Variants in FGF14 observed in about 807,000 individuals in gnomAD.
The protein encoded by FGF14 is fibroblast growth factor 14.
Under a neutral mutation model 25.5 loss-of-function variants are expected in FGF14, and 5 were observed. The ratio of observed to expected loss-of-function variants is 0.20; its 90% CI spans 0.10 to 0.41. The LOEUF (loss-of-function observed/expected upper bound fraction) is 0.41, where lower values mean the gene tolerates loss of function less well. FGF14 is among the 10% of genes least tolerant of loss of function. The pLI is 1.00. For missense variants in FGF14, 222 were observed against 320.1 expected (o/e 0.69, Z 2.34); for synonymous variants, 138 against 118.3 (o/e 1.17, Z -1.08).
Position 101,850,540 on chromosome 13 carries a change from T to TG in FGF14, c.408+18184_408+18185insC, listed in dbSNP as rs1566312036. ...GAATTATATATTCTATATATATATA[T>TG]ATATATATATAGAATTATATATTCT... On this transcript the variant is annotated intron_variant, in intron 3 of 4. Coordinates refer to ENST00000376143, the MANE Select transcript of FGF14 (RefSeq NM_004115.4). Among the ~76,000 whole-genome samples the TG allele has an allele frequency of 2.7e-4, 3 of 11,172 alleles. 1 individual carries two copies. Among genetic ancestry groups the TG allele is most frequent in the African/African-American group, 1.3e-3 (2 of 1,508 alleles). The allele number at this position is 11,172 out of a possible 152,430, so 7.3% of individuals were successfully genotyped here.
At chr13:101,821,239 C>T (rs890793898) in intron 3 of FGF14, among the ~76,000 whole-genome samples, 2 of 152,172 alleles carry the variant, frequency 1.3e-5, no homozygotes, top group African/African-American at 2.4e-5. Context: ...TGAGCCACTG[C>T]GCCCGGCCCA....
At chr13:102,207,587 C>T (rs1479179779) in intron 1 of FGF14, among the ~76,000 whole-genome samples, 1 of 112,598 alleles carries the variant, frequency 8.9e-6, no homozygotes, top group African/African-American at 3.6e-5. Context: ...ACACGTTTTG[C>T]AACATCTGTC....
chr13:101,800,834 A>T (rs1393355561), intron 3 of FGF14, among the ~76,000 whole-genome samples: 2 of 152,172 alleles, frequency 1.3e-5, no homozygotes, highest in Non-Finnish European at 2.9e-5. Flanking sequence ...ATTACTTTAA[A>T]AAGTGTGCAG....
intron 1 of FGF14, among the ~76,000 whole-genome samples, chr13:102,161,639 A>AGAAGAAGAAGAG (rs1566764974): frequency 9.5e-5 from 1 of 10,476 alleles, no homozygotes; most frequent in Non-Finnish European, 1.6e-4. Context: ...AAGAAGAAGA[A>AGAAGAAGAAGAG]GAAGAAGAAG....
chr13:102,208,545 G>GCTTTTCCCTTGGCTTTTCC (rs2050034497), intron 1 of FGF14, among the ~76,000 whole-genome samples: 1 of 152,166 alleles, frequency 6.6e-6, no homozygotes, highest in Non-Finnish European at 1.5e-5. Context: ...TTCATGAACT[G>GCTTTTCCCTTGGCTTTTCC]TAGTTTGCTT....
intron 1 of FGF14, among the ~76,000 whole-genome samples, chr13:102,258,974 G>T (rs751965578): frequency 2.0e-5 from 3 of 152,142 alleles, no homozygotes; most frequent in Non-Finnish European, 4.4e-5. Context: ...TTACCTGTAT[G>T]TGTATTTTTT....
At chr13:102,215,630 C>A (rs1429894548) in intron 1 of FGF14, among the ~76,000 whole-genome samples, 9 of 152,146 alleles carry the variant, frequency 5.9e-5, no homozygotes, top group African/African-American at 2.2e-4. Flanking sequence ...CAGATCTGAG[C>A]CCCTTCCCCA....
chr13:101,756,605 T>G (rs561336626), intron 3 of FGF14, among the ~76,000 whole-genome samples: 13 of 152,062 alleles, frequency 8.5e-5, no homozygotes, highest in Non-Finnish European at 1.9e-4. Flanking sequence ...CGGTGGCACA[T>G]GCCTGTAATC....
chr13:102,083,088 C>A (rs902500192), intron 1 of FGF14, among the ~76,000 whole-genome samples: 10 of 152,242 alleles, frequency 6.6e-5, no homozygotes, highest in African/African-American at 2.4e-4. Flanking sequence ...GCCAAGAAAC[C>A]TGGAGTGTTC....
Position 101,712,658 on chromosome 13 carries a change from A to C in FGF14, c.*10173T>G, listed in dbSNP as rs2139608470. On this transcript the variant is annotated 3_prime_UTR_variant, in exon 5 of 5. Coordinates refer to ENST00000376143, the MANE Select transcript of FGF14 (RefSeq NM_004115.4). ...CTTCACTCATGGAAATAAAACACTA[A>C]GTATGGTGCCTTTCGAGGAAACTTC... 6.6e-6 allele frequency: 1 copy of C among 152,320 alleles called. No individual in the cohort carries two copies. The allele number at this position is 152,320 out of a possible 1,614,324, so 9.4% of individuals were successfully genotyped here.
chr13:102,171,115 A>T (rs777664442), intron 1 of FGF14, among the ~76,000 whole-genome samples: 3 of 152,214 alleles, frequency 2.0e-5, no homozygotes, highest in Non-Finnish European at 4.4e-5. Flanking sequence ...AGATATAAAC[A>T]TATAATATTT....
At chr13:102,075,508 T>G (rs1364847217) in intron 1 of FGF14, among the ~76,000 whole-genome samples, 1 of 152,236 alleles carries the variant, frequency 6.6e-6, no homozygotes, top group Non-Finnish European at 1.5e-5. Flanking sequence ...CTGCCAGTCA[T>G]CTAAAATATG....
intron 1 of FGF14, among the ~76,000 whole-genome samples, chr13:101,973,676 A>G (rs1337971873): frequency 6.6e-6 from 1 of 152,052 alleles, no homozygotes; most frequent in African/African-American, 2.4e-5. Flanking sequence ...CTCTTTTCAC[A>G]TTTTTCTGCC....
chr13:102,082,663 A>G (rs2043681668), intron 1 of FGF14, among the ~76,000 whole-genome samples: 1 of 152,142 alleles, frequency 6.6e-6, no homozygotes, highest in African/African-American at 2.4e-5. Flanking sequence ...ATCTCTAAAG[A>G]GTACTTTGGG....
At chr13:102,018,553 C>T (rs1282012749) in intron 1 of FGF14, among the ~76,000 whole-genome samples, 2 of 152,114 alleles carry the variant, frequency 1.3e-5, no homozygotes, top group African/African-American at 4.8e-5. Context: ...TTACAGAACA[C>T]TGAAGTCTGT....
chr13:101,812,439 T>C (rs2041566461), intron 3 of FGF14, among the ~76,000 whole-genome samples: 1 of 151,612 alleles, frequency 6.6e-6, no homozygotes, highest in African/African-American at 2.4e-5. Context: ...GACAGTGATA[T>C]TGTCAAAACC....
chr13:101,837,387 G>C lies in FGF14; in HGVS notation c.408+31338C>G, dbSNP rs531739524. ...TTACTTGTGTGAACTCTAGGGAATT[G>C]CTACCTTAAGTCTCAGACTCTTGAA... is the stretch of plus-strand genomic sequence containing the variant. On this transcript the variant is annotated intron_variant, in intron 3 of 4. Transcript: ENST00000376143. Among the ~76,000 whole-genome samples, 3 of 152,162 alleles carry C rather than the reference G, an allele frequency of 2.0e-5. No homozygotes were observed. The East Asian group carries it at 5.8e-4, about 30-fold the overall frequency.
At chr13:102,257,337 CTTTTCTTTTTTTTTT>C (rs1284731280) in intron 1 of FGF14, among the ~76,000 whole-genome samples, 1 of 24,978 alleles carries the variant, frequency 4.0e-5, no homozygotes, top group African/African-American at 1.4e-4. Flanking sequence ...CATTTCCTTT[CTTTTCTTTTTTTTTT>C]TTTTTTTTTT....
At chr13:102,181,545 A>G (rs899633333) in intron 1 of FGF14, among the ~76,000 whole-genome samples, 5 of 152,200 alleles carry the variant, frequency 3.3e-5, no homozygotes, top group African/African-American at 9.6e-5. Context: ...ACAGAGGCAC[A>G]GGAGGAGAGG....
Sources: gnomAD v4.1 joint callset for allele counts (sites outside exome capture counted in the v4.1 genomes callset) on GRCh38, gnomAD v4.1.1 for gene constraint, MANE v1.5 for transcripts, NCBI Gene and HGNC (gene_info 2026-07-23, HGNC 2026-07-21) for gene names.